Variants in SHOC2 observed in about 807,000 individuals in gnomAD.
The protein encoded by SHOC2 is SHOC2 leucine rich repeat scaffold protein, also known as leucine-rich repeat protein SHOC-2.
In SHOC2, 4 loss-of-function variants were observed where a neutral mutation model predicts 50.2. That is an observed-to-expected ratio of 0.08 (90% CI 0.04 to 0.18). The LOEUF is 0.18. SHOC2 is among the 10% of genes least tolerant of loss of function. The pLI is 1.00. For synonymous variants in SHOC2, 218 were observed against 244.5 expected (o/e 0.89, Z 1.01); for missense variants, 388 against 669.6 (o/e 0.58, Z 4.64).
chr10:110,919,716 C>T (rs1175732011), intron 1 of SHOC2, 59 bp downstream of exon 1: 1 of 397,484 alleles, frequency 2.5e-6, no homozygotes, highest in South Asian at 1.3e-4. Flanking sequence ...TGCCTGCCTT[C>T]CTGTCCGTCG....
At chr10:110,927,367 G>C (rs1477112083) in intron 1 of SHOC2, among the ~76,000 whole-genome samples, 1 of 152,166 alleles carries the variant, frequency 6.6e-6, no homozygotes, top group Non-Finnish European at 1.5e-5. Context: ...GGATAGGTAG[G>C]AGAGCTAGTT....
intron 1 of SHOC2, among the ~76,000 whole-genome samples, chr10:110,944,253 T>C (rs558942712): frequency 9.2e-4 from 140 of 152,316 alleles, no homozygotes; most frequent in African/African-American, 3.2e-3. Flanking sequence ...TTGGTACTTA[T>C]CCAGGCCCTC....
chr10:110,952,671 C>A (rs925033201), intron 1 of SHOC2, among the ~76,000 whole-genome samples: 12 of 152,108 alleles, frequency 7.9e-5, no homozygotes, highest in South Asian at 2.1e-4. Flanking sequence ...AGGTTTTGAG[C>A]CCTGGCTGCA....
chr10:110,997,951 A>G (rs577148194), intron 3 of SHOC2, among the ~76,000 whole-genome samples: 100 of 151,870 alleles, frequency 6.6e-4, no homozygotes, highest in African/African-American at 2.3e-3. Context: ...TCATAAAGCA[A>G]ATTATTTTCT....
intron 7 of SHOC2, 72 bp from the exon 8 acceptor site, chr10:111,009,641 C>A: frequency 1.1e-6 from 1 of 937,006 alleles, no homozygotes; most frequent in Non-Finnish European, 1.7e-6. Flanking sequence ...ATTGTTTAGA[C>A]ATATTATTTT....
At chr10:110,994,423 CAT>C (rs1848234135) in intron 3 of SHOC2, among the ~76,000 whole-genome samples, 2 of 152,144 alleles carry the variant, frequency 1.3e-5, no homozygotes, top group Non-Finnish European at 2.9e-5. Context: ...TCATCTGACA[CAT>C]AAATATTTTC....
At chr10:110,934,531 ATAATT>A (rs779549417) in intron 1 of SHOC2, among the ~76,000 whole-genome samples, 1 of 152,334 alleles carries the variant, frequency 6.6e-6, no homozygotes, top group African/African-American at 2.4e-5. Flanking sequence ...GCATAGTACC[ATAATT>A]TAGTCTATTG....
At chr10:110,931,751 A>G (rs1463117560) in intron 1 of SHOC2, among the ~76,000 whole-genome samples, 1 of 152,178 alleles carries the variant, frequency 6.6e-6, no homozygotes, top group Admixed American at 6.5e-5. Flanking sequence ...AGAGTTATTT[A>G]TAGAGTAAAA....
intron 1 of SHOC2, among the ~76,000 whole-genome samples, chr10:110,922,430 A>G (rs1190473585): frequency 7.4e-6 from 1 of 134,930 alleles, no homozygotes; most frequent in Non-Finnish European, 1.6e-5. Flanking sequence ...ATCATTTAAT[A>G]TTTCTGGAAG....
chr10:110,960,352 C>T (rs544206819), intron 1 of SHOC2, among the ~76,000 whole-genome samples: 1 of 152,342 alleles, frequency 6.6e-6, no homozygotes, highest in East Asian at 1.9e-4. Flanking sequence ...TCACCCTTGA[C>T]TTAGAAGCCA....
chr10:110,919,817 G>A (rs1293086210), intron 1 of SHOC2, among the ~76,000 whole-genome samples, 160 bp downstream of exon 1: 3 of 151,014 alleles, frequency 2.0e-5, no homozygotes, highest in African/African-American at 7.3e-5. Flanking sequence ...AGGGGCCGGG[G>A]CCCTGGGAGG....
chr10:110,955,883 G>C (rs1847451986), intron 1 of SHOC2, among the ~76,000 whole-genome samples: 1 of 152,086 alleles, frequency 6.6e-6, no homozygotes, highest in Admixed American at 6.5e-5. Flanking sequence ...TTAGGAGGAA[G>C]GAAGGGTATA....
intron 6 of SHOC2, among the ~76,000 whole-genome samples, chr10:111,009,026 T>C (rs1848520039): frequency 6.6e-6 from 1 of 152,172 alleles, no homozygotes; most frequent in Non-Finnish European, 1.5e-5. Flanking sequence ...GCTTCTTTTG[T>C]TTTCATTAGT....
At chr10:110,929,257 G>A (rs908738409) in intron 1 of SHOC2, among the ~76,000 whole-genome samples, 1 of 152,114 alleles carries the variant, frequency 6.6e-6, no homozygotes. Flanking sequence ...AACTAATTAT[G>A]CAAATTGATA....
At chr10:110,976,976 T>C (rs1409656369) in intron 2 of SHOC2, among the ~76,000 whole-genome samples, 1 of 152,160 alleles carries the variant, frequency 6.6e-6, no homozygotes, top group East Asian at 1.9e-4. Context: ...TATTGCTATT[T>C]TTTTGTTGTT....
chr10:110,941,859 T>G (rs1017545859), intron 1 of SHOC2, among the ~76,000 whole-genome samples: 2 of 152,230 alleles, frequency 1.3e-5, no homozygotes, highest in African/African-American at 4.8e-5. Context: ...TTCTTGTATG[T>G]TTTCTTCTCA....
chr10:110,945,800 A>G lies in SHOC2; in HGVS notation c.-234-18325A>G, dbSNP rs555551740. On this transcript the variant is annotated intron_variant, in intron 1 of 8. Coordinates refer to ENST00000369452, the MANE Select transcript of SHOC2 (RefSeq NM_007373.4). ...GCAGCCTCCTCCTTAACCATCAATCAAGCCTATTATGTAGAAATCTTCCTC... is the reference window on the plus strand; with the variant it reads ...GCAGCCTCCTCCTTAACCATCAATCGAGCCTATTATGTAGAAATCTTCCTC... Among the ~76,000 whole-genome samples, 29 of 152,172 alleles carry G rather than the reference A, an allele frequency of 1.9e-4. No homozygotes were observed. In the South Asian group the frequency reaches 2.5e-3, roughly 13 times the overall value.
intron 1 of SHOC2, among the ~76,000 whole-genome samples, chr10:110,961,856 A>G (rs2134117691): frequency 6.6e-6 from 1 of 152,126 alleles, no homozygotes; most frequent in African/African-American, 2.4e-5. Flanking sequence ...TTGTTTTTTA[A>G]TTATATTTGA....
intron 8 of SHOC2, 76 bp downstream of exon 8, chr10:111,009,906 T>C: frequency 1.2e-6 from 1 of 854,324 alleles, no homozygotes; most frequent in Non-Finnish European, 2.0e-6. Context: ...CAGATAAATA[T>C]GACAAATCTA....
Sources: allele counts gnomAD v4.1 joint callset (sites outside exome capture counted in the v4.1 genomes callset), GRCh38; gene constraint gnomAD v4.1.1; transcripts MANE v1.5; gene names NCBI Gene and HGNC (gene_info 2026-07-23, HGNC 2026-07-21).